The following MRRF variants were observed in gnomAD, a reference collection of about 807,000 sequenced individuals.
MRRF encodes ribosome-recycling factor, mitochondrial.
A neutral mutation model predicts 25.1 loss-of-function variants in MRRF; 18 were observed. The observed-to-expected ratio is 0.72, with a 90% confidence interval of 0.50 to 1.06. The LOEUF (loss-of-function observed/expected upper bound fraction) is 1.06. Ranked by LOEUF, MRRF falls within the 50% of genes least tolerant of loss-of-function variation. MRRF has a pLI of 0.00. For synonymous variants in MRRF, 113 were observed against 112.1 expected (o/e 1.01, Z -0.05); for missense variants, 323 against 319.3 (o/e 1.01, Z -0.09).
intron 5 of MRRF, among the ~76,000 whole-genome samples, chr9:122,306,558 G>A (rs1834860457): frequency 6.6e-6 from 1 of 152,186 alleles, no homozygotes; most frequent in African/African-American, 2.4e-5. Flanking sequence ...TCTCTTAAGT[G>A]CTTCACCTGA....
chr9:122,267,806 G>A (rs149123300), intron 1 of MRRF, among the ~76,000 whole-genome samples: 37 of 152,336 alleles, frequency 2.4e-4, no homozygotes, highest in East Asian at 1.2e-3. Context: ...TTTCTGTCAC[G>A]TAGTCATTGT....
In MRRF at chr9:122,315,088, G is replaced by T. The variant is rs564465519; in HGVS notation, c.711+1702G>T. 2.6e-5 allele frequency among the ~76,000 whole-genome samples: 4 copies of T among 152,168 alleles called. No homozygotes were observed. The South Asian group carries it at 6.2e-4, about 24-fold the overall frequency. On this transcript the variant is annotated intron_variant, in intron 6 of 6. Transcript: ENST00000344641. ...TAGGACAGCCACAACAGTCACCTGG[G>T]GGGGGGAATTTTAGGTGGCTTCCTG...
chr9:122,286,635 T>C (rs1833425107), intron 4 of MRRF, among the ~76,000 whole-genome samples: 2 of 152,004 alleles, frequency 1.3e-5, no homozygotes, highest in South Asian at 4.2e-4. Context: ...ACCGCTTGAG[T>C]CCGGGAGTTT....
intron 6 of MRRF, among the ~76,000 whole-genome samples, chr9:122,318,955 C>T: frequency 6.6e-6 from 1 of 152,064 alleles, no homozygotes; most frequent in East Asian, 1.9e-4. Flanking sequence ...TTATCCTCTT[C>T]TCCCCAGTGT....
chr9:122,287,503 TTTAGGGA>T (rs1187187318), intron 4 of MRRF, among the ~76,000 whole-genome samples: 1 of 152,036 alleles, frequency 6.6e-6, no homozygotes, highest in East Asian at 1.9e-4. Context: ...TGTGGGCCAA[TTTAGGGA>T]ATAGCCTCCT....
At chr9:122,296,805 GA>G (rs1564495914) in intron 5 of MRRF, among the ~76,000 whole-genome samples, 1 of 152,092 alleles carries the variant, frequency 6.6e-6, no homozygotes, top group East Asian at 1.9e-4. Context: ...ATGTCTATGG[GA>G]AAACCACACT....
In MRRF at chr9:122,330,537, G is replaced by A. The variant is rs1836258395; in HGVS notation, c.*7920G>A. On this transcript the variant is annotated 3_prime_UTR_variant, in exon 7 of 7. Coordinates refer to ENST00000344641, the MANE Select transcript of MRRF (RefSeq NM_138777.5). This position sits in a 1 kb window ranked among gnomAD's most constrained non-coding sequence, Gnocchi z 4.2. ...TCCTGATAATAATAGTGGCTAACAA[G>A]TTTTACTAGATTTTAGGCAACTCAA... The A allele has an allele frequency of 6.6e-6, 1 of 152,182 alleles. No individual in the cohort carries two copies. Among genetic ancestry groups the A allele is most frequent in the Non-Finnish European group, 1.5e-5 (1 of 68,062 alleles). The allele number at this position is 152,182 out of a possible 1,614,324, so 9.4% of individuals were successfully genotyped here.
intron 6 of MRRF, among the ~76,000 whole-genome samples, chr9:122,315,086 G>T (rs925105336): frequency 3.7e-5 from 4 of 108,444 alleles, no homozygotes; most frequent in South Asian, 5.4e-4. Context: ...ACAGTCACCT[G>T]GGGGGGGGAA....
chr9:122,271,953 T>A (rs1034317954), intron 2 of MRRF, among the ~76,000 whole-genome samples: 1 of 152,218 alleles, frequency 6.6e-6, no homozygotes, highest in Non-Finnish European at 1.5e-5. Context: ...CCCCTTTCTG[T>A]AATAGGAAAA....
Position 122,326,157 on chromosome 9 carries a change from G to A in MRRF, c.*3540G>A, listed in dbSNP as rs192465853. 2.7e-5 allele frequency: 4 copies of A among 149,116 alleles called. No homozygotes were observed. The highest frequency in any genetic ancestry group is 9.9e-5 in the African/African-American group (4 of 40,386). 9.2% of individuals were successfully genotyped at this position (149,116 alleles called of 1,614,324 possible). A position where few individuals can be genotyped will look rare whatever the true frequency, so the allele number is the denominator to read the frequency against. On this transcript the variant is annotated 3_prime_UTR_variant, in exon 7 of 7. Coordinates refer to ENST00000344641, the MANE Select transcript of MRRF (RefSeq NM_138777.5). ...GAGTCTTGCTCTGTCGCCCACGCTG[G>A]AGTGCATTGGCGCAATCTCGGCTCA...
At position 122,329,766 on chromosome 9, in the gene MRRF, CTA is replaced by C. The variant is rs1836235514; in HGVS notation, c.*7150_*7151del. On this transcript the variant is annotated 3_prime_UTR_variant, in exon 7 of 7. Transcript: ENST00000344641. ...TTCCAGGCTGGCCTCACCCGGGTCT[CTA>C]GACACTTGGCTCAGAGGCAGAACAT... 6.6e-6 allele frequency: 1 copy of C among 152,326 alleles called. No individual in the cohort carries two copies. The highest frequency in any genetic ancestry group is 1.5e-5 in the Non-Finnish European group (1 of 68,144). The allele number at this position is 152,326 out of a possible 1,614,324, so 9.4% of individuals were successfully genotyped here. A position where few individuals can be genotyped will look rare whatever the true frequency, so the allele number is the denominator to read the frequency against.
At chr9:122,313,477 C>T in intron 6 of MRRF, 91 bp downstream of exon 6, 1 of 1,359,152 alleles carries the variant, frequency 7.4e-7, no homozygotes, top group Non-Finnish European at 1.1e-6. Context: ...AAACAGAATA[C>T]CTCTGATCTT....
chr9:122,271,190 A>G (rs1028106657), intron 2 of MRRF, 115 bp downstream of exon 2: 1 of 907,232 alleles, frequency 1.1e-6, no homozygotes, highest in Non-Finnish European at 1.8e-6. Context: ...ACATGAGGAA[A>G]TGGTGCCTCA....
chr9:122,291,699 C>T, intron 4 of MRRF, 50 bp from the exon 5 acceptor site: 1 of 1,319,826 alleles, frequency 7.6e-7, no homozygotes, highest in South Asian at 1.2e-5. Flanking sequence ...GGGCTTGCAT[C>T]TGGTAATAAT....
intron 5 of MRRF, among the ~76,000 whole-genome samples, chr9:122,302,506 G>T (rs115247637): frequency 6.6e-6 from 1 of 152,092 alleles, no homozygotes; most frequent in Non-Finnish European, 1.5e-5. Flanking sequence ...TGTTTTCAAG[G>T]TTCTTTCACG....
intron 2 of MRRF, among the ~76,000 whole-genome samples, chr9:122,274,683 G>A (rs1832672046): frequency 6.6e-6 from 1 of 151,720 alleles, no homozygotes; most frequent in South Asian, 2.1e-4. Context: ...TCATTTTTTT[G>A]ACCTTTCAAA....
chr9:122,320,818 G>A (rs1835850502), intron 6 of MRRF, among the ~76,000 whole-genome samples: 1 of 152,190 alleles, frequency 6.6e-6, no homozygotes, highest in Non-Finnish European at 1.5e-5. Context: ...AAATAAAGAT[G>A]TCCAACAGCC....
At chr9:122,313,079 C>G in intron 5 of MRRF, 148 bp from the exon 6 acceptor site, 4 of 832,688 alleles carry the variant, frequency 4.8e-6, no homozygotes, top group South Asian at 1.5e-5. Flanking sequence ...TTTATACATG[C>G]GTTTTCCTCC....
chr9:122,314,498 C>G (rs747254329), intron 6 of MRRF, among the ~76,000 whole-genome samples: 10 of 152,230 alleles, frequency 6.6e-5, no homozygotes, highest in Non-Finnish European at 1.5e-4. Flanking sequence ...AACAGCATCT[C>G]TCTACCAAAG....
Sources: allele counts gnomAD v4.1 joint callset (sites outside exome capture counted in the v4.1 genomes callset), GRCh38; gene constraint gnomAD v4.1.1; non-coding constraint Gnocchi (gnomAD v3.1); transcripts MANE v1.5; gene names NCBI Gene and HGNC (gene_info 2026-07-23, HGNC 2026-07-21).